CTCF: variants seen among roughly 807,000 people sequenced by gnomAD.
The protein encoded by CTCF is transcriptional repressor CTCF.
A neutral mutation model predicts 72.3 loss-of-function variants in CTCF; 7 were observed. The observed-to-expected ratio is 0.10, with a 90% CI of 0.06 to 0.18. The LOEUF is 0.18. Ranked by LOEUF, CTCF falls within the 10% of genes least tolerant of loss-of-function variation. The pLI is 1.00. For synonymous variants in CTCF, 374 were observed against 315.8 expected, an observed-to-expected ratio of 1.18 and a Z score of -1.95; for missense variants, 516 against 949.1, an observed-to-expected ratio of 0.54 and a Z score of 6.00.
chr16:67,575,989 TAAAAAAAAA>T (rs35681914), intron 2 of CTCF, among the ~76,000 whole-genome samples: 15 of 114,138 alleles, frequency 1.3e-4, no homozygotes, highest in South Asian at 2.8e-4. Flanking sequence ...ACCTTGTCTG[TAAAAAAAAA>T]AAAAAAAAAA....
intron 2 of CTCF, among the ~76,000 whole-genome samples, chr16:67,573,353 A>G (rs2051450444): frequency 6.6e-6 from 1 of 151,878 alleles, no homozygotes; most frequent in African/African-American, 2.4e-5. Flanking sequence ...CACCTGAACC[A>G]GGAGGCAGGC....
chr16:67,608,545 G>T (rs1567607363), intron 2 of CTCF, among the ~76,000 whole-genome samples: 1 of 152,166 alleles, frequency 6.6e-6, no homozygotes, highest in East Asian at 1.9e-4. Context: ...GGGGAAAATG[G>T]GGAATTGCTG....
At chr16:67,589,263 C>T (rs1421361642) in intron 2 of CTCF, among the ~76,000 whole-genome samples, 2 of 152,082 alleles carry the variant, frequency 1.3e-5, no homozygotes, top group African/African-American at 4.8e-5. Flanking sequence ...CACTACTGCG[C>T]TCACTCCAGT....
At chr16:67,628,640 T>G in intron 9 of CTCF, 88 bp downstream of exon 9, 1 of 1,325,108 alleles carries the variant, frequency 7.5e-7, no homozygotes, top group Non-Finnish European at 1.1e-6. Context: ...TTTTTTTCAC[T>G]GAGGTTATAA....
At chr16:67,580,772 A>T (rs1597686107) in intron 2 of CTCF, among the ~76,000 whole-genome samples, 2 of 120,220 alleles carry the variant, frequency 1.7e-5, no homozygotes, top group Non-Finnish European at 1.7e-5. Flanking sequence ...GCCTGGCCAA[A>T]TTTTTTTTTT....
intron 1 of CTCF, among the ~76,000 whole-genome samples, chr16:67,565,848 G>A (rs1399620788): frequency 6.6e-6 from 1 of 152,214 alleles, no homozygotes; most frequent in Non-Finnish European, 1.5e-5. Context: ...TGGGACTTCT[G>A]AATGGCTTGG....
At chr16:67,601,264 G>GT (rs1305807149) in intron 2 of CTCF, among the ~76,000 whole-genome samples, 2 of 127,668 alleles carry the variant, frequency 1.6e-5, no homozygotes, top group African/African-American at 3.0e-5. Context: ...GTTTTGTTTT[G>GT]TTTTTTAAGA....
chr16:67,605,954 G>A (rs1175699920), intron 2 of CTCF, among the ~76,000 whole-genome samples: 2 of 152,240 alleles, frequency 1.3e-5, no homozygotes, highest in East Asian at 3.8e-4. Flanking sequence ...TTGTGAGCCA[G>A]AAGGGTGGTA....
chr16:67,633,253 A>G (rs1472321865), intron 10 of CTCF, among the ~76,000 whole-genome samples: 6 of 130,364 alleles, frequency 4.6e-5, no homozygotes, highest in African/African-American at 2.2e-4. Flanking sequence ...AGTCCTGTTG[A>G]TCCCCAGGTG....
chr16:67,614,037 G>A (rs1428440247), intron 4 of CTCF, among the ~76,000 whole-genome samples: 4 of 152,054 alleles, frequency 2.6e-5, no homozygotes, highest in Non-Finnish European at 4.4e-5. Context: ...TCTAGGGGGC[G>A]CCTTTGCCTC....
At position 67,611,387 on chromosome 16, in the gene CTCF, C is replaced by T. The variant is rs756610479; in HGVS notation, c.555C>T (p.Pro185=). ...CACTAGAACAAGGGGAACTTCCACC[C>T]CAGGAAGATCCTAGTTGGCAAAAAG... is the stretch of plus-strand genomic sequence containing the variant. ...VETLEQGELP[P]QEDPSWQKDP... Residue 185 remains proline (P), a synonymous_variant, in exon 3 of 12, where the codon CCC becomes CCT. Transcript: ENST00000264010. 2.5e-6 allele frequency: 4 copies of T among 1,614,056 alleles called. No homozygotes were observed. In the East Asian group the frequency reaches 8.9e-5, roughly 36 times the overall value.
At chr16:67,631,671 G>GGC (rs2052366666) in intron 10 of CTCF, among the ~76,000 whole-genome samples, 3 of 104,578 alleles carry the variant, frequency 2.9e-5, no homozygotes, top group Non-Finnish European at 4.0e-5. Context: ...CTGTAACAAG[G>GGC]TCCCCCCCAC....
At chr16:67,573,260 A>C (rs2051449259) in intron 2 of CTCF, among the ~76,000 whole-genome samples, 1 of 150,552 alleles carries the variant, frequency 6.6e-6, no homozygotes, top group Non-Finnish European at 1.5e-5. Flanking sequence ...AAAACAACAA[A>C]AAAAACCCCA....
intron 2 of CTCF, among the ~76,000 whole-genome samples, chr16:67,581,303 G>A (rs1253642063): frequency 3.3e-5 from 5 of 150,896 alleles, no homozygotes; most frequent in African/African-American, 4.9e-5. Flanking sequence ...TGTTGTGAAC[G>A]TTTTTCCTGT....
chr16:67,636,843 A>G lies in CTCF; in HGVS notation c.1991A>G (p.Gln664Arg), dbSNP rs762851943. ...RPPGRTNQPK[Q>R]NQPTAIIQVE... ...CCTGGCAGAACCAACCAGCCCAAAC[A>G]GAACCAGCGTAAGTTGTTCATCTCT... The change falls in exon 11 of 12, where the codon CAG becomes CGG. Residue 664 changes from glutamine to arginine, a missense_variant. By Grantham distance (43) the Gln-to-Arg change is conservative. Transcript: ENST00000264010. 1.3e-6 allele frequency: 2 copies of G among 1,590,126 alleles called. No homozygotes were observed. The highest frequency in any genetic ancestry group is 2.3e-5 in the East Asian group (1 of 43,460).
intron 2 of CTCF, among the ~76,000 whole-genome samples, chr16:67,592,765 G>A (rs895890476): frequency 2.6e-5 from 4 of 151,754 alleles, no homozygotes; most frequent in Middle Eastern, 3.4e-3. Flanking sequence ...CTGGCTCAAC[G>A]TCAGTAATCT....
intron 2 of CTCF, among the ~76,000 whole-genome samples, chr16:67,588,841 C>G (rs1317185625): frequency 2.0e-5 from 3 of 151,820 alleles, no homozygotes. Context: ...TGCACGCCAC[C>G]ACACCCGGCT....
chr16:67,628,856 C>G (rs1184497691), intron 9 of CTCF, among the ~76,000 whole-genome samples: 1 of 152,124 alleles, frequency 6.6e-6, no homozygotes, highest in Non-Finnish European at 1.5e-5. Context: ...GTCAGGAGAT[C>G]GAGACCATCC....
chr16:67,602,506 C>T (rs775552049), intron 2 of CTCF, among the ~76,000 whole-genome samples: 11 of 152,104 alleles, frequency 7.2e-5, no homozygotes, highest in Non-Finnish European at 1.3e-4. Flanking sequence ...GGGATACTAA[C>T]TTTTGGGGCT....
Sources: gnomAD v4.1 joint callset for allele counts (sites outside exome capture counted in the v4.1 genomes callset) on GRCh38, gnomAD v4.1.1 for gene constraint, MANE v1.5 for transcripts, NCBI Gene and HGNC (gene_info 2026-07-23, HGNC 2026-07-21) for gene names.